The following SMAD9 variants were observed in gnomAD, a reference collection of about 807,000 sequenced individuals.
The protein encoded by SMAD9 is MAD homolog 9.
A neutral mutation model predicts 46.1 loss-of-function variants in SMAD9; 36 were observed. The observed-to-expected ratio is 0.78, with a 90% CI of 0.60 to 1.03. SMAD9 has a LOEUF of 1.03. Ranked by LOEUF, SMAD9 falls within the 50% of genes least tolerant of loss-of-function variation. SMAD9 has a pLI of 0.00. For synonymous variants in SMAD9, 245 were observed against 237.1 expected, an observed-to-expected ratio of 1.03 and a Z score of -0.31; for missense variants, 572 against 599.8, an observed-to-expected ratio of 0.95 and a Z score of 0.48.
At chr13:36,880,362 C>T (rs2058392340) in intron 1 of SMAD9, among the ~76,000 whole-genome samples, 1 of 152,218 alleles carries the variant, frequency 6.6e-6, no homozygotes, top group Admixed American at 6.5e-5. Context: ...GTGTAAACTC[C>T]TCTGCCTGGG....
intron 6 of SMAD9, among the ~76,000 whole-genome samples, 159 bp downstream of exon 6, chr13:36,853,260 G>C (rs1365041088): frequency 6.6e-6 from 1 of 152,172 alleles, no homozygotes; most frequent in Non-Finnish European, 1.5e-5. Context: ...ACTCCAGCCT[G>C]TGTGACAGAG....
chr13:36,874,766 G>A (rs571349152), intron 2 of SMAD9, among the ~76,000 whole-genome samples: 280 of 147,896 alleles, frequency 1.9e-3, no homozygotes, highest in Middle Eastern at 3.6e-3. Context: ...GCTGAGGTAG[G>A]AGAATGGCGT....
chr13:36,919,907 A>T (rs2058729530), intron 1 of SMAD9, among the ~76,000 whole-genome samples: 1 of 142,228 alleles, frequency 7.0e-6, no homozygotes, highest in Non-Finnish European at 1.5e-5. Context: ...CCTCACGCCG[A>T]GGAGCCTCCC....
intron 1 of SMAD9, among the ~76,000 whole-genome samples, chr13:36,892,257 C>A (rs1015812643): frequency 6.6e-6 from 1 of 152,072 alleles, no homozygotes; most frequent in Non-Finnish European, 1.5e-5. Flanking sequence ...TCGTGCAGAG[C>A]AAAAATTCTT....
At chr13:36,886,811 G>A (rs1453691488) in intron 1 of SMAD9, among the ~76,000 whole-genome samples, 4 of 152,184 alleles carry the variant, frequency 2.6e-5, no homozygotes, top group Non-Finnish European at 2.9e-5. Context: ...GCCACTCCAG[G>A]GGCTGTAGAG....
intron 6 of SMAD9, chr13:36,852,394 C>T (rs968263404): frequency 3.0e-6 from 3 of 984,866 alleles, no homozygotes; most frequent in Non-Finnish European, 2.4e-6. Flanking sequence ...GACTCATTTG[C>T]GAGTACTTTG....
intron 1 of SMAD9, among the ~76,000 whole-genome samples, chr13:36,892,943 A>T (rs1485652749): frequency 1.3e-5 from 2 of 152,224 alleles, no homozygotes; most frequent in African/African-American, 2.4e-5. Context: ...CATAGGTAAA[A>T]ATCATTAAAA....
intron 5 of SMAD9, among the ~76,000 whole-genome samples, chr13:36,855,126 C>A (rs1424095737): frequency 1.3e-5 from 2 of 151,492 alleles, no homozygotes; most frequent in African/African-American, 4.9e-5. Context: ...CTAAAAAATA[C>A]AAAAATTAAG....
At chr13:36,892,720 C>T (rs1272233073) in intron 1 of SMAD9, among the ~76,000 whole-genome samples, 1 of 152,104 alleles carries the variant, frequency 6.6e-6, no homozygotes, top group African/African-American at 2.4e-5. Context: ...TTAAAATAAT[C>T]CAGCACAAAG....
chr13:36,900,103 C>G (rs1489185653), intron 1 of SMAD9, among the ~76,000 whole-genome samples: 3 of 152,144 alleles, frequency 2.0e-5, no homozygotes, highest in Non-Finnish European at 2.9e-5. Flanking sequence ...CCCTTGCTCT[C>G]TCTACTCCTG....
At position 36,885,929 on chromosome 13, in the gene SMAD9, A is replaced by T. The variant is rs976784787; in HGVS notation, c.-186-6054T>A. ...GTAAGAAGAGGACTAAGCTAAAGAG[A>T]CTGTAGAGAGTAGCTGACTGTTCTC... On this transcript the variant is annotated intron_variant, in intron 1 of 6. Coordinates refer to ENST00000379826, the MANE Select transcript of SMAD9 (RefSeq NM_001127217.3). Among the ~76,000 whole-genome samples, 7 of 152,268 alleles carry T rather than the reference A, an allele frequency of 4.6e-5. No individual in the cohort carries two copies. In the South Asian group the frequency reaches 1.2e-3, roughly 27 times the overall value.
chr13:36,888,020 G>A (rs1382539342), intron 1 of SMAD9, among the ~76,000 whole-genome samples: 1 of 152,116 alleles, frequency 6.6e-6, no homozygotes, highest in African/African-American at 2.4e-5. Context: ...CTGCCAGAAG[G>A]GCTGACAACA....
chr13:36,886,639 T>A (rs1427213646), intron 1 of SMAD9, among the ~76,000 whole-genome samples: 1 of 152,264 alleles, frequency 6.6e-6, no homozygotes, highest in Non-Finnish European at 1.5e-5. Context: ...CCCTTGCCCT[T>A]ACAGGGCTTA....
At chr13:36,858,206 T>TA (rs201243695) in intron 5 of SMAD9, among the ~76,000 whole-genome samples, 59 of 151,234 alleles carry the variant, frequency 3.9e-4, no homozygotes, top group Middle Eastern at 3.4e-3. Flanking sequence ...TAATGGGTGG[T>TA]AAAAAAAAAT....
At chr13:36,861,254 T>C (rs2058178909) in intron 5 of SMAD9, among the ~76,000 whole-genome samples, 1 of 152,128 alleles carries the variant, frequency 6.6e-6, no homozygotes, top group Non-Finnish European at 1.5e-5. Context: ...AAGCCAGAAA[T>C]GGTGTGAAGG....
chr13:36,907,357 G>C (rs1287904283), intron 1 of SMAD9, among the ~76,000 whole-genome samples: 2 of 152,174 alleles, frequency 1.3e-5, no homozygotes, highest in Non-Finnish European at 2.9e-5. Context: ...TAATGCCACT[G>C]AACTATATGA....
intron 5 of SMAD9, among the ~76,000 whole-genome samples, chr13:36,861,242 A>T (rs2058178845): frequency 6.6e-6 from 1 of 152,214 alleles, no homozygotes; most frequent in African/African-American, 2.4e-5. Context: ...CACAAGGAAT[A>T]AAAGCCAGAA....
intron 6 of SMAD9, chr13:36,850,142 T>TA (rs2058063039): frequency 6.6e-6 from 1 of 152,222 alleles, no homozygotes; most frequent in Non-Finnish European, 1.5e-5. Flanking sequence ...TTCATATTGT[T>TA]AAAATGAATG....
At chr13:36,913,216 G>A (rs1036459222) in intron 1 of SMAD9, among the ~76,000 whole-genome samples, 12 of 152,264 alleles carry the variant, frequency 7.9e-5, no homozygotes, top group African/African-American at 2.9e-4. Flanking sequence ...TACAGTTTGG[G>A]GAAGTAAGAC....
Sources: gnomAD v4.1 joint callset for allele counts (sites outside exome capture counted in the v4.1 genomes callset) on GRCh38, gnomAD v4.1.1 for gene constraint, MANE v1.5 for transcripts, NCBI Gene and HGNC (gene_info 2026-07-23, HGNC 2026-07-21) for gene names.